Variants in CTNND2 observed in about 807,000 individuals in gnomAD.
CTNND2 encodes catenin delta-2.
A neutral mutation model predicts 144.4 loss-of-function variants in CTNND2; 22 were observed. That is an observed-to-expected ratio of 0.15 (90% CI 0.11 to 0.22). The LOEUF (loss-of-function observed/expected upper bound fraction) is 0.22. Among genes scored for constraint, CTNND2 ranks in the 10% least tolerant of loss-of-function variants. CTNND2 has a pLI of 1.00. For synonymous variants in CTNND2, 751 were observed against 695.6 expected (o/e 1.08, Z -1.25); for missense variants, 1,353 against 1,618.8 (o/e 0.84, Z 2.82).
rs188637728 is a variant in CTNND2 at position 11,795,865 on chromosome 5, C to T, written c.38-63593G>A. 3.3e-5 allele frequency among the ~76,000 whole-genome samples: 5 copies of T among 152,314 alleles called. No homozygotes were observed. The East Asian group carries it at 9.6e-4, about 29-fold the overall frequency. On this transcript the variant is annotated intron_variant, in intron 1 of 21. Transcript: ENST00000304623. ...AAAACAACACAAAGTTAGTACATTA[C>T]AGTTCTTTAGGTCAGAATGTCCACA...
At chr5:11,333,365 A>G (rs1753375442) in intron 9 of CTNND2, among the ~76,000 whole-genome samples, 1 of 152,074 alleles carries the variant, frequency 6.6e-6, no homozygotes, top group African/African-American at 2.4e-5. Context: ...CTGGGCTCAA[A>G]TGATCCTCCT....
chr5:11,496,969 T>A (rs752831225), intron 3 of CTNND2, among the ~76,000 whole-genome samples: 6 of 152,128 alleles, frequency 3.9e-5, no homozygotes, highest in Non-Finnish European at 7.4e-5. Flanking sequence ...TATCGGCATA[T>A]TACTGGGCTA....
At chr5:11,650,403 C>A (rs2126534341) in intron 2 of CTNND2, among the ~76,000 whole-genome samples, 2 of 152,176 alleles carry the variant, frequency 1.3e-5, no homozygotes, top group Admixed American at 1.3e-4. Context: ...TCCTTTATAG[C>A]AATGCAAGAA....
chr5:11,146,524 A>G (rs537759468), intron 12 of CTNND2, among the ~76,000 whole-genome samples: 2 of 152,230 alleles, frequency 1.3e-5, no homozygotes, highest in South Asian at 2.1e-4. Context: ...AAAAAGACAT[A>G]ATATATCATT....
chr5:11,337,501 T>A, intron 9 of CTNND2, among the ~76,000 whole-genome samples: 1 of 152,236 alleles, frequency 6.6e-6, no homozygotes, highest in South Asian at 2.1e-4. Flanking sequence ...CAATTCCACC[T>A]GCAAGACCCC....
chr5:11,678,329 T>C (rs1784269789), intron 2 of CTNND2, among the ~76,000 whole-genome samples: 1 of 152,196 alleles, frequency 6.6e-6, no homozygotes, highest in African/African-American at 2.4e-5. Flanking sequence ...CTAGGTTTTC[T>C]GAAGCAGTGA....
chr5:11,583,065 A>T (rs11748202), intron 2 of CTNND2, among the ~76,000 whole-genome samples: 1,536 of 152,336 alleles, frequency 0.01, 15 homozygotes, highest in Middle Eastern at 0.065. Context: ...TCCTTCTAAA[A>T]ATGAATGCAA....
intron 3 of CTNND2, among the ~76,000 whole-genome samples, chr5:11,464,979 G>A (rs1481523213): frequency 6.6e-6 from 1 of 152,122 alleles, no homozygotes; most frequent in Non-Finnish European, 1.5e-5. Flanking sequence ...ATCCCAAAAT[G>A]ATCTCTCCTT....
At chr5:11,693,897 C>T (rs550441180) in intron 2 of CTNND2, among the ~76,000 whole-genome samples, 144 of 152,348 alleles carry the variant, frequency 9.5e-4, no homozygotes, top group Middle Eastern at 3.4e-3. Context: ...TTTTCATCAA[C>T]TAATTAATGC....
intron 3 of CTNND2, among the ~76,000 whole-genome samples, chr5:11,503,411 T>C (rs1402191599): frequency 6.6e-6 from 1 of 152,248 alleles, no homozygotes; most frequent in African/African-American, 2.4e-5. Context: ...GAAAGATCAA[T>C]GGCCTATGTG....
intron 3 of CTNND2, among the ~76,000 whole-genome samples, chr5:11,472,367 T>C (rs1482082555): frequency 2.0e-5 from 3 of 152,236 alleles, no homozygotes; most frequent in African/African-American, 7.2e-5. Context: ...ATAATTGAAA[T>C]AATTTTACTT....
intron 16 of CTNND2, among the ~76,000 whole-genome samples, chr5:11,057,180 T>C (rs995118923): frequency 2.0e-5 from 3 of 152,310 alleles, no homozygotes; most frequent in Admixed American, 1.3e-4. Context: ...AATGGTTTCA[T>C]TGATAAAGTA....
At chr5:11,226,143 G>C (rs1231219729) in intron 10 of CTNND2, among the ~76,000 whole-genome samples, 1 of 152,154 alleles carries the variant, frequency 6.6e-6, no homozygotes, top group Non-Finnish European at 1.5e-5. Context: ...GATTTCCATT[G>C]TTCCACATCT....
chr5:11,744,570 T>C (rs1422601516), intron 1 of CTNND2, among the ~76,000 whole-genome samples: 2 of 152,016 alleles, frequency 1.3e-5, no homozygotes, highest in Non-Finnish European at 2.9e-5. Context: ...GAGCAGCAAG[T>C]GGGCTGAGAT....
chr5:11,214,550 A>G (rs1738974849), intron 10 of CTNND2, among the ~76,000 whole-genome samples: 1 of 152,170 alleles, frequency 6.6e-6, no homozygotes, highest in Non-Finnish European at 1.5e-5. Flanking sequence ...TACATTCTGC[A>G]CACACAGTAG....
chr5:11,815,501 A>C (rs1384694924), intron 1 of CTNND2, among the ~76,000 whole-genome samples: 1 of 152,202 alleles, frequency 6.6e-6, no homozygotes, highest in East Asian at 1.9e-4. Context: ...ATTTATGATT[A>C]TGATCAGTTG....
intron 21 of CTNND2, among the ~76,000 whole-genome samples, chr5:10,976,052 G>A (rs117492773): frequency 2.0e-5 from 3 of 152,126 alleles, no homozygotes; most frequent in South Asian, 2.1e-4. Flanking sequence ...TCCCAAAAGT[G>A]TGTACAAATG....
chr5:11,426,383 C>G (rs1321541738), intron 3 of CTNND2, among the ~76,000 whole-genome samples: 1 of 151,074 alleles, frequency 6.6e-6, no homozygotes, highest in African/African-American at 2.4e-5. Context: ...TGCACAGAGT[C>G]CCACACTTAG....
chr5:10,982,235 G>C (rs1737375851), intron 20 of CTNND2, among the ~76,000 whole-genome samples: 1 of 152,230 alleles, frequency 6.6e-6, no homozygotes, highest in African/African-American at 2.4e-5. Context: ...TAGCCGGAGA[G>C]TGACAAGAAT....
Sources: allele counts gnomAD v4.1 joint callset (sites outside exome capture counted in the v4.1 genomes callset), GRCh38; gene constraint gnomAD v4.1.1; transcripts MANE v1.5; gene names NCBI Gene and HGNC (gene_info 2026-07-23, HGNC 2026-07-21).